The following M1AP variants were observed in gnomAD, a reference collection of about 807,000 sequenced individuals.
M1AP encodes meiosis 1 associated protein.
A neutral mutation model predicts 51.2 loss-of-function variants in M1AP; 39 were observed. The observed-to-expected ratio is 0.76, with a 90% CI of 0.59 to 1.00. The LOEUF (loss-of-function observed/expected upper bound fraction) is 1.00. Among genes scored for constraint, M1AP ranks in the 50% least tolerant of loss-of-function variants. The pLI, the probability that M1AP is intolerant of heterozygous loss-of-function variation, is 0.00. For missense variants in M1AP, 545 were observed against 641.2 expected (o/e 0.85, Z 1.62); for synonymous variants, 251 against 249.2 (o/e 1.01, Z -0.07).
intron 2 of M1AP, among the ~76,000 whole-genome samples, chr2:74,621,174 C>A (rs1682003721): frequency 1.3e-5 from 2 of 151,252 alleles, no homozygotes; most frequent in African/African-American, 4.9e-5. Flanking sequence ...CCCACCTACT[C>A]GGGAGGCTGA....
intron 1 of M1AP, 30 bp downstream of exon 1, chr2:74,648,235 C>T: frequency 1.0e-6 from 1 of 976,426 alleles, no homozygotes; most frequent in Non-Finnish European, 1.2e-6. Flanking sequence ...CTCGGGCTGC[C>T]CTCCCTCCCC....
chr2:74,563,275 C>A (rs1050647673), intron 7 of M1AP, among the ~76,000 whole-genome samples: 1 of 151,884 alleles, frequency 6.6e-6, no homozygotes, highest in Non-Finnish European at 1.5e-5. Context: ...AGAGAGAAGG[C>A]AGTGAAAGCA....
chr2:74,558,318 C>CA lies in M1AP; in HGVS notation c.*397dup, dbSNP rs1265590410. On this transcript the variant is annotated 3_prime_UTR_variant, in exon 11 of 11. Coordinates refer to ENST00000421985, the MANE Select transcript of M1AP (RefSeq NM_001321739.2). Reference sequence around the variant, plus strand: ...ATCTTACTTGTCTTTTATGAGCTTTCAAAACCTCATCCTTGTTCCTGAGGT... The same window carrying CA: ...ATCTTACTTGTCTTTTATGAGCTTTCAAAAACCTCATCCTTGTTCCTGAGGT... 3 of 181,310 alleles carry CA rather than the reference C, an allele frequency of 1.7e-5. No homozygotes were observed. The highest frequency in any genetic ancestry group is 7.2e-5 in the African/African-American group (3 of 41,670). 11.2% of individuals were successfully genotyped at this position (181,310 alleles called of 1,614,324 possible).
intron 7 of M1AP, among the ~76,000 whole-genome samples, chr2:74,566,524 T>C (rs1252512490): frequency 6.6e-6 from 1 of 152,060 alleles, no homozygotes; most frequent in Non-Finnish European, 1.5e-5. Context: ...CATTTATTAG[T>C]GTGACTGGGG....
chr2:74,569,868 G>A (rs1678618967), intron 7 of M1AP, among the ~76,000 whole-genome samples: 1 of 151,568 alleles, frequency 6.6e-6, no homozygotes, highest in East Asian at 1.9e-4. Context: ...TGAGGAGGTA[G>A]AGATAATTTG....
chr2:74,611,555 CTCTCTTTTTTTCT>C (rs1681347375), intron 3 of M1AP, among the ~76,000 whole-genome samples: 1 of 152,154 alleles, frequency 6.6e-6, no homozygotes, highest in Admixed American at 6.5e-5. Context: ...TTTGACTCAT[CTCTCTTTTTTTCT>C]TAGTCTAGCC....
At chr2:74,621,151 G>A (rs927460091) in intron 2 of M1AP, among the ~76,000 whole-genome samples, 8 of 151,702 alleles carry the variant, frequency 5.3e-5, no homozygotes, top group African/African-American at 1.9e-4. Flanking sequence ...GCGTAGTGGC[G>A]GGCGCCTGTA....
At chr2:74,596,586 G>GAACAACAACAAC in intron 4 of M1AP, among the ~76,000 whole-genome samples, 1 of 150,690 alleles carries the variant, frequency 6.6e-6, no homozygotes, top group East Asian at 2.0e-4. Flanking sequence ...CATCTCAAAA[G>GAACAACAACAAC]AACAACAACA....
chr2:74,625,929 A>T (rs1314178020), intron 2 of M1AP, among the ~76,000 whole-genome samples: 2 of 152,184 alleles, frequency 1.3e-5, no homozygotes, highest in Admixed American at 6.5e-5. Context: ...CATGGAGAAT[A>T]CGTATTCTGG....
chr2:74,646,545 T>C (rs1683623141), intron 1 of M1AP, among the ~76,000 whole-genome samples: 1 of 152,194 alleles, frequency 6.6e-6, no homozygotes, highest in African/African-American at 2.4e-5. Flanking sequence ...AGAGATATTT[T>C]ACAAAATTGA....
chr2:74,623,783 C>T (rs550496237), intron 2 of M1AP, among the ~76,000 whole-genome samples: 5 of 152,240 alleles, frequency 3.3e-5, no homozygotes, highest in African/African-American at 1.2e-4. Context: ...GCGATTCTCT[C>T]TCCTTAGCCT....
chr2:74,640,412 C>G, intron 1 of M1AP, 85 bp from the exon 2 acceptor site: 1 of 1,170,918 alleles, frequency 8.5e-7, no homozygotes, highest in Non-Finnish European at 1.2e-6. Flanking sequence ...TCGAGGGAAA[C>G]AAATCCAGAA....
Position 74,562,312 on chromosome 2 carries a change from G to A in M1AP, c.1186C>T (p.Leu396=). 6.2e-7 allele frequency: 1 copy of A among 1,614,248 alleles called. No homozygotes were observed. Among genetic ancestry groups the A allele is most frequent in the Non-Finnish European group, 8.5e-7 (1 of 1,180,038 alleles). The part of the protein sequence containing the change: ...VIMPSHSLTL[L]VKAVATRELM... ...TCCCGCGTGGCCACCGCCTTTACCA[G>A]CAGTGTGAGGGAGTGTGACGGCATG... The change falls in exon 8 of 11, where the codon CTG becomes TTG. Residue 396 remains leucine (L), a synonymous_variant. Transcript: ENST00000421985.
chr2:74,577,576 AG>A (rs1679153081), intron 5 of M1AP, among the ~76,000 whole-genome samples: 2 of 152,230 alleles, frequency 1.3e-5, no homozygotes. Context: ...AAAAAAATAG[AG>A]TGGCAGAACA....
intron 4 of M1AP, among the ~76,000 whole-genome samples, chr2:74,594,447 T>A (rs1680212435): frequency 6.6e-6 from 1 of 151,540 alleles, no homozygotes; most frequent in Non-Finnish European, 1.5e-5. Flanking sequence ...AGTCACAGAG[T>A]CTTGGGCTGT....
At chr2:74,643,438 T>C (rs1156478929) in intron 1 of M1AP, among the ~76,000 whole-genome samples, 2 of 152,132 alleles carry the variant, frequency 1.3e-5, no homozygotes, top group Non-Finnish European at 2.9e-5. Context: ...GTAGTTATAT[T>C]GTTTAGAGGT....
chr2:74,615,258 G>A (rs1681599879), intron 2 of M1AP, 109 bp from the exon 3 acceptor site: 2 of 999,542 alleles, frequency 2.0e-6, no homozygotes, highest in East Asian at 2.5e-5. Flanking sequence ...TTCCCTTCCT[G>A]AAAATTTATT....
At chr2:74,646,186 A>G (rs1683602996) in intron 1 of M1AP, among the ~76,000 whole-genome samples, 1 of 152,228 alleles carries the variant, frequency 6.6e-6, no homozygotes, top group Non-Finnish European at 1.5e-5. Flanking sequence ...CACAGACAGA[A>G]GTGTGTAGTT....
chr2:74,648,112 C>G, intron 1 of M1AP, 153 bp downstream of exon 1: 9 of 983,838 alleles, frequency 9.1e-6, no homozygotes, highest in Non-Finnish European at 9.7e-6. Flanking sequence ...GAGCCTCTCT[C>G]GGCGTCAGTC....
Sources: allele counts gnomAD v4.1 joint callset (sites outside exome capture counted in the v4.1 genomes callset), GRCh38; gene constraint gnomAD v4.1.1; transcripts MANE v1.5; gene names NCBI Gene and HGNC (gene_info 2026-07-23, HGNC 2026-07-21).